ARHGAP15: variants seen among roughly 807,000 people sequenced by gnomAD.
ARHGAP15 encodes rho GTPase-activating protein 15.
Under a neutral mutation model 63.7 loss-of-function variants are expected in ARHGAP15, and 51 were observed. The ratio of observed to expected loss-of-function variants is 0.80; its 90% CI spans 0.64 to 1.01. The LOEUF (loss-of-function observed/expected upper bound fraction) is 1.01. ARHGAP15 is among the 50% of genes least tolerant of loss of function. The probability of loss-of-function intolerance (pLI) is 0.00; values close to 1 mark genes in which losing one functional copy is unlikely to be tolerated. For synonymous variants in ARHGAP15, 191 were observed against 193.8 expected (o/e 0.99, Z 0.12); for missense variants, 560 against 564.6 (o/e 0.99, Z 0.08).
intron 12 of ARHGAP15, among the ~76,000 whole-genome samples, chr2:143,677,762 T>A (rs1275657225): frequency 6.6e-6 from 1 of 152,148 alleles, no homozygotes; most frequent in Non-Finnish European, 1.5e-5. Flanking sequence ...GACACTGAGC[T>A]AAGAAATCTT....
At chr2:143,516,209 A>G (rs954393317) in intron 9 of ARHGAP15, among the ~76,000 whole-genome samples, 10 of 152,204 alleles carry the variant, frequency 6.6e-5, no homozygotes. Context: ...CTTGGTTGTT[A>G]TATTACCAGA....
intron 5 of ARHGAP15, among the ~76,000 whole-genome samples, chr2:143,246,805 T>C (rs1574147111): frequency 1.3e-5 from 2 of 151,996 alleles, no homozygotes; most frequent in African/African-American, 4.8e-5. Flanking sequence ...AACACACGGA[T>C]AAGAAAATCT....
chr2:143,616,531 C>T (rs1012547103), intron 11 of ARHGAP15, among the ~76,000 whole-genome samples: 4 of 152,156 alleles, frequency 2.6e-5, no homozygotes, highest in South Asian at 4.1e-4. Flanking sequence ...AGCAAGCTAA[C>T]GTGGCGTGCC....
chr2:143,559,029 G>A (rs1695920292), intron 11 of ARHGAP15, among the ~76,000 whole-genome samples: 1 of 151,926 alleles, frequency 6.6e-6, no homozygotes, highest in Non-Finnish European at 1.5e-5. Context: ...CCCCTCTGTG[G>A]GTAAAATATG....
intron 13 of ARHGAP15, among the ~76,000 whole-genome samples, chr2:143,737,242 A>C (rs567136780): frequency 6.6e-6 from 1 of 152,242 alleles, no homozygotes; most frequent in Non-Finnish European, 1.5e-5. Context: ...ACTGCATTGC[A>C]GCAGTCTCCT....
At chr2:143,593,549 G>A (rs1358953601) in intron 11 of ARHGAP15, among the ~76,000 whole-genome samples, 1 of 152,122 alleles carries the variant, frequency 6.6e-6, no homozygotes, top group Non-Finnish European at 1.5e-5. Flanking sequence ...AGAATCCGTG[G>A]TTATTTTATG....
At chr2:143,727,088 G>A (rs1366514771) in intron 13 of ARHGAP15, among the ~76,000 whole-genome samples, 1 of 152,110 alleles carries the variant, frequency 6.6e-6, no homozygotes, top group East Asian at 1.9e-4. Flanking sequence ...GCAAAGCTTT[G>A]CCTTCCAACT....
intron 13 of ARHGAP15, among the ~76,000 whole-genome samples, chr2:143,728,346 T>G (rs978070907): frequency 3.9e-5 from 6 of 152,174 alleles, no homozygotes; most frequent in African/African-American, 1.4e-4. Flanking sequence ...TTTAACTTAA[T>G]GACCTTTTTA....
At chr2:143,377,122 G>A (rs1338369004) in intron 6 of ARHGAP15, among the ~76,000 whole-genome samples, 1 of 151,906 alleles carries the variant, frequency 6.6e-6, no homozygotes, top group African/African-American at 2.4e-5. Context: ...TTCAATGACA[G>A]GCTAATAAAA....
intron 8 of ARHGAP15, among the ~76,000 whole-genome samples, chr2:143,463,236 T>C (rs1691039255): frequency 7.1e-6 from 1 of 140,728 alleles, no homozygotes; most frequent in Non-Finnish European, 1.6e-5. Context: ...TAGTCTGATA[T>C]ATCCATAATA....
chr2:143,766,048 C>T (rs907886774), intron 13 of ARHGAP15, among the ~76,000 whole-genome samples: 3 of 152,116 alleles, frequency 2.0e-5, no homozygotes, highest in African/African-American at 7.2e-5. Flanking sequence ...AGGCAGTACA[C>T]ACATGGCTTA....
chr2:143,526,425 A>G (rs537195193), intron 10 of ARHGAP15, among the ~76,000 whole-genome samples: 1 of 152,188 alleles, frequency 6.6e-6, no homozygotes, highest in East Asian at 1.9e-4. Flanking sequence ...TTCTTAACAT[A>G]CTTTTCCCTT....
At chr2:143,274,451 A>T (rs1681444913) in intron 6 of ARHGAP15, among the ~76,000 whole-genome samples, 1 of 152,234 alleles carries the variant, frequency 6.6e-6, no homozygotes, top group African/African-American at 2.4e-5. Flanking sequence ...AAACAGTTCA[A>T]GAAATTGATT....
chr2:143,435,454 G>A (rs1689569412), intron 6 of ARHGAP15, 147 bp from the exon 7 acceptor site: 3 of 1,267,400 alleles, frequency 2.4e-6, no homozygotes, highest in South Asian at 1.9e-5. Context: ...AATGCTCCCA[G>A]TTCCCAGAAA....
At chr2:143,329,210 T>G (rs1684393668) in intron 6 of ARHGAP15, among the ~76,000 whole-genome samples, 1 of 152,192 alleles carries the variant, frequency 6.6e-6, no homozygotes, top group Admixed American at 6.6e-5. Flanking sequence ...AGATGATGGA[T>G]TTGGTTACAT....
At chr2:143,673,748 GTGTGTGTGTGTATATATA>G (rs1173909121) in intron 12 of ARHGAP15, among the ~76,000 whole-genome samples, 3 of 34,148 alleles carry the variant, frequency 8.8e-5, no homozygotes, top group Non-Finnish European at 1.6e-4. Flanking sequence ...GTGTGTGTGT[GTGTGTGTGTGTATATATA>G]TATATATATA....
intron 10 of ARHGAP15, among the ~76,000 whole-genome samples, chr2:143,544,422 TAATA>T (rs796124517): frequency 5.3e-5 from 8 of 152,340 alleles, no homozygotes; most frequent in African/African-American, 1.9e-4. Flanking sequence ...AATGTTTTCA[TAATA>T]AATGTCATTA....
intron 8 of ARHGAP15, among the ~76,000 whole-genome samples, chr2:143,449,489 G>A (rs1195652406): frequency 6.6e-6 from 1 of 151,898 alleles, no homozygotes; most frequent in Non-Finnish European, 1.5e-5. Context: ...TTGTTCTTGA[G>A]TACTTGAATT....
At chr2:143,668,171 G>T (rs1271749936) in intron 12 of ARHGAP15, among the ~76,000 whole-genome samples, 2 of 152,132 alleles carry the variant, frequency 1.3e-5, no homozygotes, top group East Asian at 3.9e-4. Context: ...AATCTCATAG[G>T]ATAGAAAGTA....
Sources: allele counts gnomAD v4.1 joint callset (sites outside exome capture counted in the v4.1 genomes callset), GRCh38; gene constraint gnomAD v4.1.1; transcripts MANE v1.5; gene names NCBI Gene and HGNC (gene_info 2026-07-23, HGNC 2026-07-21).